The following RGS5 variants were observed in gnomAD, a reference collection of about 807,000 sequenced individuals.
RGS5 encodes regulator of G-protein signalling 5.
In RGS5, 20 loss-of-function variants were observed where a neutral mutation model predicts 18.9. That is an observed-to-expected ratio of 1.06 (90% CI 0.74 to 1.54). The LOEUF is 1.54. Among genes scored for constraint, RGS5 ranks in the 40% most tolerant of loss-of-function variants. The probability of loss-of-function intolerance (pLI) is 0.00; values close to 1 mark genes in which losing one functional copy is unlikely to be tolerated. For synonymous variants in RGS5, 57 were observed against 76.2 expected (o/e 0.75, Z 1.31); for missense variants, 201 against 211.8 (o/e 0.95, Z 0.32).
chr1:163,286,674 C>T (rs950787559), intron 2 of RGS5, among the ~76,000 whole-genome samples: 9 of 151,926 alleles, frequency 5.9e-5, no homozygotes, highest in African/African-American at 2.2e-4. Flanking sequence ...TCTTCCCTGA[C>T]TTTCTTTTTG....
At chr1:163,256,446 G>A (rs1648274332) in intron 2 of RGS5, among the ~76,000 whole-genome samples, 1 of 152,130 alleles carries the variant, frequency 6.6e-6, no homozygotes, top group African/African-American at 2.4e-5. Context: ...GGAGGTAGAG[G>A]GGAGCAGGAA....
intron 2 of RGS5, among the ~76,000 whole-genome samples, chr1:163,166,340 T>A (rs2102399610): frequency 6.6e-6 from 1 of 152,202 alleles, no homozygotes; most frequent in Non-Finnish European, 1.5e-5. Context: ...GAAAATACTT[T>A]TAAAAAAACG....
In RGS5 at chr1:163,303,388, T is replaced by C. The variant is rs566114631; in HGVS notation, c.-281+2845A>G. ...ATTAAGATAGCTTTGAAAAGAATCA[T>C]AGTGGTAATTTAGTCCAATCTTCTA... is the stretch of plus-strand genomic sequence containing the variant. On this transcript the variant is annotated intron_variant, in intron 2 of 5. Coordinates refer to the RGS5 transcript ENST00000618415. Among the ~76,000 whole-genome samples, 19 of 152,344 alleles carry C rather than the reference T, an allele frequency of 1.2e-4. No individual in the cohort carries two copies. The South Asian group carries it at 3.7e-3, about 30-fold the overall frequency.
intron 1 of RGS5, chr1:163,211,571 A>G (rs1660103217): frequency 6.6e-6 from 1 of 152,144 alleles, no homozygotes; most frequent in African/African-American, 2.4e-5. Flanking sequence ...ACATTATTAA[A>G]TGTTTTGATA....
chr1:163,196,180 A>G (rs1659558248), intron 1 of RGS5, among the ~76,000 whole-genome samples: 1 of 152,164 alleles, frequency 6.6e-6, no homozygotes, highest in South Asian at 2.1e-4. Flanking sequence ...TGCAGATGCA[A>G]TGTTATCTGA....
intron 1 of RGS5, among the ~76,000 whole-genome samples, chr1:163,320,991 T>C (rs941041432): frequency 1.3e-5 from 2 of 152,208 alleles, no homozygotes; most frequent in Non-Finnish European, 2.9e-5. Flanking sequence ...TCTTCTCCTG[T>C]CCCAAACCTC....
At chr1:163,264,373 A>G (rs1648525522) in intron 2 of RGS5, among the ~76,000 whole-genome samples, 1 of 152,204 alleles carries the variant, frequency 6.6e-6, no homozygotes, top group African/African-American at 2.4e-5. Flanking sequence ...ACTAATAGTC[A>G]TATCTACTTG....
chr1:163,320,833 G>A (rs910647484), intron 1 of RGS5, among the ~76,000 whole-genome samples: 2 of 152,114 alleles, frequency 1.3e-5, no homozygotes, highest in Non-Finnish European at 2.9e-5. Flanking sequence ...TAGTTCTTCA[G>A]GACAGGACAA....
chr1:163,160,776 A>T (rs1344429076), intron 3 of RGS5, among the ~76,000 whole-genome samples: 9 of 152,206 alleles, frequency 5.9e-5, no homozygotes, highest in Non-Finnish European at 2.9e-5. Flanking sequence ...GCATGTGACA[A>T]AGTTTCATAT....
chr1:163,172,165 G>A (rs989551064), intron 1 of RGS5, among the ~76,000 whole-genome samples: 2 of 152,156 alleles, frequency 1.3e-5, no homozygotes, highest in African/African-American at 4.8e-5. Flanking sequence ...CCAGATAGAG[G>A]GATGGATGTT....
intron 2 of RGS5, among the ~76,000 whole-genome samples, chr1:163,288,462 A>T (rs1386378170): frequency 6.6e-6 from 1 of 152,082 alleles, no homozygotes; most frequent in African/African-American, 2.4e-5. Flanking sequence ...TCCAACTATG[A>T]TTTTCAAAAT....
At chr1:163,243,672 T>C (rs34702952) in intron 2 of RGS5, among the ~76,000 whole-genome samples, 3 of 116,526 alleles carry the variant, frequency 2.6e-5, no homozygotes, top group African/African-American at 1.1e-4. Context: ...AAAACCTAGA[T>C]GACAGGTTGA....
chr1:163,162,780 T>G (rs1403850182), intron 2 of RGS5: 1 of 152,150 alleles, frequency 6.6e-6, no homozygotes, highest in Non-Finnish European at 1.5e-5. Flanking sequence ...AATTTTTCTC[T>G]CACAGCAGGA....
intron 1 of RGS5, among the ~76,000 whole-genome samples, chr1:163,196,019 G>A (rs1659550947): frequency 6.6e-6 from 1 of 152,094 alleles, no homozygotes; most frequent in African/African-American, 2.4e-5. Flanking sequence ...CTTGAGGCAG[G>A]GGAGAGACTG....
intron 1 of RGS5, among the ~76,000 whole-genome samples, chr1:163,193,108 T>C (rs1659423100): frequency 6.6e-6 from 1 of 152,200 alleles, no homozygotes; most frequent in African/African-American, 2.4e-5. Flanking sequence ...TTACAAGTAC[T>C]TTATTTCGTG....
chr1:163,214,529 T>A (rs1191462509), intron 1 of RGS5, among the ~76,000 whole-genome samples: 1 of 152,076 alleles, frequency 6.6e-6, no homozygotes, highest in East Asian at 1.9e-4. Context: ...CATCAGTTTC[T>A]CCCTTCCTTC....
intron 2 of RGS5, among the ~76,000 whole-genome samples, chr1:163,225,332 T>C (rs4492593): frequency 0.11 from 16,812 of 152,260 alleles, 1,230 homozygotes; most frequent in South Asian, 0.19. Flanking sequence ...CATCCAGATT[T>C]ACCCATCCTC....
At chr1:163,166,004 G>C (rs1179455615) in intron 2 of RGS5, among the ~76,000 whole-genome samples, 2 of 152,170 alleles carry the variant, frequency 1.3e-5, no homozygotes, top group Non-Finnish European at 2.9e-5. Flanking sequence ...TTCGGGTGAG[G>C]TAGTAAGGTT....
At chr1:163,229,150 T>TA (rs1457473747) in intron 2 of RGS5, among the ~76,000 whole-genome samples, 2 of 152,134 alleles carry the variant, frequency 1.3e-5, no homozygotes, top group African/African-American at 2.4e-5. Flanking sequence ...CATGCCACTA[T>TA]AAAAAACTGC....
Sources: gnomAD v4.1 joint callset for allele counts (sites outside exome capture counted in the v4.1 genomes callset) on GRCh38, gnomAD v4.1.1 for gene constraint, MANE v1.5 for transcripts, NCBI Gene and HGNC (gene_info 2026-07-23, HGNC 2026-07-21) for gene names.